The following FNBP1 variants were observed in gnomAD, a reference collection of about 807,000 sequenced individuals.
FNBP1 encodes formin binding protein 1.
Under a neutral mutation model 90.6 loss-of-function variants are expected in FNBP1, and 26 were observed. The ratio of observed to expected loss-of-function variants is 0.29; its 90% CI spans 0.21 to 0.40. The LOEUF (loss-of-function observed/expected upper bound fraction) is 0.40, where lower values mean the gene tolerates loss of function less well. Ranked by LOEUF, FNBP1 falls within the 10% of genes least tolerant of loss-of-function variation. The probability of loss-of-function intolerance (pLI) is 1.00; values close to 1 mark genes in which losing one functional copy is unlikely to be tolerated. For synonymous variants in FNBP1, 260 were observed against 265.2 expected, an observed-to-expected ratio of 0.98 and a Z score of 0.19; for missense variants, 635 against 768.0, an observed-to-expected ratio of 0.83 and a Z score of 2.05.
intron 12 of FNBP1, among the ~76,000 whole-genome samples, chr9:129,904,026 G>C (rs1406806829): frequency 6.6e-6 from 1 of 151,858 alleles, no homozygotes; most frequent in Non-Finnish European, 1.5e-5. Context: ...GACAGAGCAA[G>C]ACTCCATCTC....
rs567727467 is a variant in FNBP1 at position 129,966,411 on chromosome 9, G to T, written c.346-7858C>A. Reference sequence around the variant, plus strand: ...GACCATGGACAGCCTCACCAGCCACGGTAAGCATGTTGGAAGATTTAAGAA... The same window carrying T: ...GACCATGGACAGCCTCACCAGCCACTGTAAGCATGTTGGAAGATTTAAGAA... On this transcript the variant is annotated intron_variant, in intron 4 of 16. Coordinates refer to ENST00000446176, the MANE Select transcript of FNBP1 (RefSeq NM_015033.3). This position sits in a 1 kb window ranked among gnomAD's most constrained non-coding sequence, Gnocchi z 4.3. 6.6e-6 allele frequency among the ~76,000 whole-genome samples: 1 copy of T among 152,102 alleles called. No homozygotes were observed. The highest frequency in any genetic ancestry group is 2.4e-5 in the African/African-American group (1 of 41,416).
At chr9:129,937,173 G>GC (rs1041356654) in intron 6 of FNBP1, among the ~76,000 whole-genome samples, 26 of 11,070 alleles carry the variant, frequency 2.3e-3, no homozygotes, top group Admixed American at 2.7e-3. Context: ...CTGTCTCAAG[G>GC]GGGGGAAAAA....
intron 1 of FNBP1, among the ~76,000 whole-genome samples, chr9:130,032,579 T>G (rs1293368694): frequency 6.6e-6 from 1 of 152,160 alleles, no homozygotes; most frequent in Non-Finnish European, 1.5e-5. Flanking sequence ...TTCCAGAAAT[T>G]TCCATATCTG....
intron 4 of FNBP1, among the ~76,000 whole-genome samples, chr9:129,977,749 C>T (rs748636702): frequency 2.6e-5 from 4 of 152,128 alleles, no homozygotes; most frequent in Non-Finnish European, 5.9e-5. Flanking sequence ...GCCTAGGCTT[C>T]CCAAAGTGCT....
intron 11 of FNBP1, among the ~76,000 whole-genome samples, chr9:129,911,383 T>C (rs1588474366): frequency 6.6e-6 from 1 of 152,192 alleles, no homozygotes; most frequent in South Asian, 2.1e-4. Context: ...AGACAGGCCC[T>C]GCTGGGTGTC....
intron 1 of FNBP1, among the ~76,000 whole-genome samples, chr9:130,002,312 C>T (rs2054983464): frequency 6.6e-6 from 1 of 152,098 alleles, no homozygotes; most frequent in Admixed American, 6.6e-5. Context: ...TGTATACATA[C>T]TGCTATAGTT....
intron 4 of FNBP1, among the ~76,000 whole-genome samples, chr9:129,968,361 C>T (rs1262726195): frequency 6.9e-6 from 1 of 145,064 alleles, no homozygotes; most frequent in East Asian, 2.0e-4. Flanking sequence ...CACCATTGCA[C>T]TCCAGCCTGG....
At chr9:129,907,580 G>GGGGGGTGTGTGTGTGTGT (rs942734835) in intron 12 of FNBP1, among the ~76,000 whole-genome samples, 1 of 147,108 alleles carries the variant, frequency 6.8e-6, no homozygotes, top group African/African-American at 2.5e-5. Context: ...TAGGAGTGAG[G>GGGGGGTGTGTGTGTGTGT]GTGTGTGTGT....
At chr9:129,944,789 C>T (rs186212068) in intron 6 of FNBP1, among the ~76,000 whole-genome samples, 7 of 152,148 alleles carry the variant, frequency 4.6e-5, no homozygotes, top group African/African-American at 9.7e-5. Context: ...CATGTCATGC[C>T]ATTTGTAAGC....
chr9:129,915,846 CG>C, intron 11 of FNBP1, 119 bp downstream of exon 11: 6 of 705,452 alleles, frequency 8.5e-6, no homozygotes, highest in Non-Finnish European at 1.2e-5. Context: ...CAAAAGCACA[CG>C]TAAGAGAAAC....
intron 1 of FNBP1, among the ~76,000 whole-genome samples, chr9:129,998,732 C>T (rs1208515509): frequency 1.3e-5 from 2 of 152,128 alleles, no homozygotes; most frequent in Admixed American, 6.6e-5. Flanking sequence ...CAACAGCTTT[C>T]GATACCAAAG....
intron 6 of FNBP1, among the ~76,000 whole-genome samples, chr9:129,944,402 G>C (rs897830031): frequency 2.0e-5 from 3 of 151,626 alleles, no homozygotes; most frequent in African/African-American, 7.2e-5. Flanking sequence ...TTAGCTGGGC[G>C]TCGTGGTGGG....
chr9:129,965,521 A>T (rs1466407347), intron 4 of FNBP1, among the ~76,000 whole-genome samples: 1 of 151,974 alleles, frequency 6.6e-6, no homozygotes. Flanking sequence ...TGCAGCAATG[A>T]TCTTTTATCT....
At chr9:129,971,986 C>T (rs2049522415) in intron 4 of FNBP1, among the ~76,000 whole-genome samples, 2 of 152,176 alleles carry the variant, frequency 1.3e-5, no homozygotes, top group African/African-American at 4.8e-5. Flanking sequence ...GCCGCTGTAT[C>T]AAATGGCCCA....
chr9:130,038,121 G>C (rs1170360851), intron 1 of FNBP1, among the ~76,000 whole-genome samples: 6 of 152,052 alleles, frequency 3.9e-5, no homozygotes, highest in Non-Finnish European at 8.8e-5. Flanking sequence ...TTGGGAGGCC[G>C]ACGTGGGCAG....
chr9:130,006,913 G>C (rs888209771), intron 1 of FNBP1, among the ~76,000 whole-genome samples: 1 of 152,088 alleles, frequency 6.6e-6, no homozygotes, highest in East Asian at 1.9e-4. Context: ...TTAGGAGGCA[G>C]CTGCATATGG....
chr9:130,010,023 A>G (rs936588922), intron 1 of FNBP1, among the ~76,000 whole-genome samples: 1 of 151,538 alleles, frequency 6.6e-6, no homozygotes, highest in Non-Finnish European at 1.5e-5. Context: ...ATTTTTGTCC[A>G]TGTGCATGCC....
intron 1 of FNBP1, among the ~76,000 whole-genome samples, chr9:129,999,592 CTG>C (rs987245208): frequency 1.3e-5 from 2 of 149,202 alleles, no homozygotes; most frequent in Non-Finnish European, 3.0e-5. Flanking sequence ...GAGTGAGACT[CTG>C]TCTCAAAAAA....
At chr9:129,960,061 C>T (rs2047553179) in intron 4 of FNBP1, among the ~76,000 whole-genome samples, 1 of 151,950 alleles carries the variant, frequency 6.6e-6, no homozygotes, top group Non-Finnish European at 1.5e-5. Context: ...TTTGTTTATC[C>T]ATTCAACAGT....
Sources: gnomAD v4.1 joint callset for allele counts (sites outside exome capture counted in the v4.1 genomes callset) on GRCh38, gnomAD v4.1.1 for gene constraint, Gnocchi (gnomAD v3.1) non-coding constraint, MANE v1.5 for transcripts, NCBI Gene and HGNC (gene_info 2026-07-23, HGNC 2026-07-21) for gene names.